The following SLC1A2 variants were observed in gnomAD, a reference collection of about 807,000 sequenced individuals.
The protein encoded by SLC1A2 is excitatory amino acid transporter 2.
Under a neutral mutation model 48.8 loss-of-function variants are expected in SLC1A2, and 15 were observed. That is an observed-to-expected ratio of 0.31 (90% CI 0.21 to 0.47). The LOEUF (loss-of-function observed/expected upper bound fraction) is 0.47, where lower values mean the gene tolerates loss of function less well. Among genes scored for constraint, SLC1A2 ranks in the 20% least tolerant of loss-of-function variants. The pLI, the probability that SLC1A2 is intolerant of heterozygous loss-of-function variation, is 0.99. For missense variants in SLC1A2, 502 were observed against 730.5 expected, an observed-to-expected ratio of 0.69 and a Z score of 3.61; for synonymous variants, 279 against 272.6, an observed-to-expected ratio of 1.02 and a Z score of -0.23.
intron 1 of SLC1A2, among the ~76,000 whole-genome samples, chr11:35,398,068 A>ACTGTGGTCCTCAGGATAT (rs1203771067): frequency 1.3e-5 from 2 of 152,168 alleles, no homozygotes; most frequent in East Asian, 3.8e-4. Flanking sequence ...ACATGCTTTG[A>ACTGTGGTCCTCAGGATAT]CTGTGGTCCT....
chr11:35,302,769 T>C (rs1565226409), intron 5 of SLC1A2, among the ~76,000 whole-genome samples: 2 of 151,694 alleles, frequency 1.3e-5, no homozygotes, highest in East Asian at 3.9e-4. Flanking sequence ...CTCCAACGCA[T>C]CCAGGGACTG....
chr11:35,355,132 G>C (rs1369022806), intron 1 of SLC1A2, among the ~76,000 whole-genome samples: 1 of 152,114 alleles, frequency 6.6e-6, no homozygotes, highest in Non-Finnish European at 1.5e-5. Flanking sequence ...AAATTTGCTT[G>C]GTTTCAAAGA....
Position 35,255,135 on chromosome 11 carries a change from C to T in SLC1A2, c.*5759G>A. The T allele has an allele frequency of 1.2e-5, 3 of 260,564 alleles. No homozygotes were observed. The South Asian group carries it at 1.2e-4, about 10-fold the overall frequency. 16.1% of individuals were successfully genotyped at this position (260,564 alleles called of 1,614,324 possible). ...CAAACCTGAAGAGCTGAAGTCTTCT[C>T]TGACAACAAAGGAGTTCACAACACA... is the stretch of plus-strand genomic sequence containing the variant. On this transcript the variant is annotated 3_prime_UTR_variant, in exon 11 of 11. Coordinates refer to ENST00000278379, the MANE Select transcript of SLC1A2 (RefSeq NM_004171.4).
intron 1 of SLC1A2, among the ~76,000 whole-genome samples, chr11:35,393,156 G>A (rs1369834370): frequency 6.6e-6 from 1 of 152,094 alleles, no homozygotes; most frequent in Non-Finnish European, 1.5e-5. Flanking sequence ...TGAAGGTTTG[G>A]GTCAGAGTGT....
intron 1 of SLC1A2, among the ~76,000 whole-genome samples, chr11:35,336,141 G>A (rs1003136892): frequency 3.8e-5 from 4 of 104,530 alleles, no homozygotes. Context: ...ACAGGGAGGG[G>A]AACAACACAC....
At chr11:35,402,710 A>T (rs1855171270) in intron 1 of SLC1A2, among the ~76,000 whole-genome samples, 1 of 152,200 alleles carries the variant, frequency 6.6e-6, no homozygotes, top group Admixed American at 6.5e-5. Context: ...CTGAGCCCTC[A>T]ATCTGTAGGA....
chr11:35,342,167 G>A (rs76259797), intron 1 of SLC1A2, among the ~76,000 whole-genome samples: 3,415 of 152,232 alleles, frequency 0.022, 107 homozygotes, highest in East Asian at 0.097. Flanking sequence ...AGGCTTTTAC[G>A]TTTAAAATAA....
Position 35,256,150 on chromosome 11 carries a change from C to A in SLC1A2, c.*4744G>T, listed in dbSNP as rs1292870132. 2 of 152,172 alleles carry A rather than the reference C, an allele frequency of 1.3e-5. No homozygotes were observed. The highest frequency in any genetic ancestry group is 2.9e-5 in the Non-Finnish European group (2 of 68,032). The allele number at this position is 152,172 out of a possible 1,614,324, so 9.4% of individuals were successfully genotyped here. ...AAAATGACTTATGTAAGTCATACAG[C>A]TAAAAATGGGCAGAGTCTAAATCAA... On this transcript the variant is annotated 3_prime_UTR_variant, in exon 11 of 11. Coordinates refer to ENST00000278379, the MANE Select transcript of SLC1A2 (RefSeq NM_004171.4).
Position 35,260,515 on chromosome 11 carries a change from AT to A in SLC1A2, c.*378del, listed in dbSNP as rs142159712. 1,520 of 191,194 alleles carry A rather than the reference AT, an allele frequency of 8.0e-3. 20 individuals are homozygous for A. The highest frequency in any genetic ancestry group is 0.034 in the African/African-American group (1,439 of 42,502). The allele number at this position is 191,194 out of a possible 1,614,324, so 11.8% of individuals were successfully genotyped here. The stretch of plus-strand genomic sequence containing the variant: ...GGAATAACACGCTGTGTGTTTGCTC[AT>A]TTTCCCAAGTCCCTGGAGTGTACCA... On this transcript the variant is annotated 3_prime_UTR_variant, in exon 11 of 11. Transcript: ENST00000278379.
intron 6 of SLC1A2, among the ~76,000 whole-genome samples, chr11:35,293,947 C>T (rs927208153): frequency 3.3e-5 from 5 of 152,188 alleles, no homozygotes; most frequent in African/African-American, 1.2e-4. Context: ...GAGCGGCTAA[C>T]TCCAACCTCA....
At chr11:35,372,667 T>G (rs1307071245) in intron 1 of SLC1A2, among the ~76,000 whole-genome samples, 1 of 152,148 alleles carries the variant, frequency 6.6e-6, no homozygotes, top group East Asian at 1.9e-4. Flanking sequence ...ATCAAGGTAA[T>G]TACAGTAGGT....
chr11:35,389,151 T>C (rs79814921), intron 1 of SLC1A2, among the ~76,000 whole-genome samples: 5 of 152,088 alleles, frequency 3.3e-5, no homozygotes, highest in Non-Finnish European at 7.4e-5. Context: ...AAAAAAATAT[T>C]TGTGGAAGAG....
chr11:35,336,852 T>C lies in SLC1A2; in HGVS notation c.18-19336A>G, dbSNP rs185498820. ...CATGAAGCCTAAAATATTTACTCTT[T>C]AGCCCTTTACAGAAAAATGTTTTCT... On this transcript the variant is annotated intron_variant, in intron 1 of 10. Transcript: ENST00000278379. Among the ~76,000 whole-genome samples the C allele has an allele frequency of 1.8e-4, 28 of 152,308 alleles. No homozygotes were observed. In the East Asian group the frequency reaches 5.2e-3, roughly 28 times the overall value.
At chr11:35,280,775 T>C (rs745693422) in intron 9 of SLC1A2, 92 bp downstream of exon 9, 33 of 757,610 alleles carry the variant, frequency 4.4e-5, no homozygotes, top group Non-Finnish European at 6.5e-5. Context: ...GCCATGGGGA[T>C]TAGCTAAGAT....
At chr11:35,264,174 C>T (rs1048358248) in intron 10 of SLC1A2, 5 of 152,168 alleles carry the variant, frequency 3.3e-5, no homozygotes, top group Non-Finnish European at 5.9e-5. Flanking sequence ...TCCTTGTTCA[C>T]CCATGTATGT....
At chr11:35,417,874 A>G (rs180867957) in intron 1 of SLC1A2, among the ~76,000 whole-genome samples, 7 of 152,320 alleles carry the variant, frequency 4.6e-5, no homozygotes, top group Non-Finnish European at 7.3e-5. Context: ...CATTCCCCTA[A>G]AACAAGCCTG....
chr11:35,288,047 C>A (rs1310739559), intron 7 of SLC1A2, among the ~76,000 whole-genome samples: 2 of 152,192 alleles, frequency 1.3e-5, no homozygotes, highest in Admixed American at 6.5e-5. Context: ...AGTGACCAAA[C>A]TGGACATAGA....
intron 1 of SLC1A2, among the ~76,000 whole-genome samples, chr11:35,410,892 T>G (rs941688739): frequency 6.6e-6 from 1 of 152,160 alleles, no homozygotes; most frequent in Non-Finnish European, 1.5e-5. Context: ...TGAAAGCTCC[T>G]CCCAATAAAT....
intron 1 of SLC1A2, among the ~76,000 whole-genome samples, chr11:35,325,790 C>A (rs1423890503): frequency 6.6e-6 from 1 of 151,972 alleles, no homozygotes; most frequent in African/African-American, 2.4e-5. Flanking sequence ...TAGTGAAACC[C>A]TGTCTCTACT....
Sources: allele counts gnomAD v4.1 joint callset (sites outside exome capture counted in the v4.1 genomes callset), GRCh38; gene constraint gnomAD v4.1.1; transcripts MANE v1.5; gene names NCBI Gene and HGNC (gene_info 2026-07-23, HGNC 2026-07-21).